The following UGT1A6 variants were observed in gnomAD, a reference collection of about 807,000 sequenced individuals.
UGT1A6 encodes UDP-glucuronosyltransferase 1A6.
In UGT1A6, 32 loss-of-function variants were observed where a neutral mutation model predicts 44.4. The ratio of observed to expected loss-of-function variants is 0.72; its 90% CI spans 0.54 to 0.97. UGT1A6 has a LOEUF of 0.97. Ranked by LOEUF, UGT1A6 falls within the 50% of genes least tolerant of loss-of-function variation. UGT1A6 has a pLI of 0.00. For missense variants in UGT1A6, 685 were observed against 661.9 expected (o/e 1.03, Z -0.38); for synonymous variants, 238 against 248.5 (o/e 0.96, Z 0.40).
intron 1 of UGT1A6, chr2:233,743,112 A>G (rs1313139997): frequency 1.1e-5 from 4 of 354,674 alleles, no homozygotes; most frequent in Non-Finnish European, 1.7e-5. Flanking sequence ...GCTGTTCTGA[A>G]AGTAAAGTTC....
chr2:233,724,180 C>A (rs1179896471), intron 1 of UGT1A6, among the ~76,000 whole-genome samples: 6 of 128,866 alleles, frequency 4.7e-5, no homozygotes, highest in Non-Finnish European at 8.1e-5. Context: ...CCATCTCCCT[C>A]CCGGACGGGG....
chr2:233,693,831 G>A lies in UGT1A6; in HGVS notation c.827G>A (p.Gly276Asp), dbSNP rs1277400223. The A allele has an allele frequency of 1.2e-6, 2 of 1,614,178 alleles. No individual in the cohort carries two copies. Among genetic ancestry groups the A allele is most frequent in the Middle Eastern group, 1.6e-4 (1 of 6,062 alleles). ...PVMPNMVFIGGINCKKRKDLS... is the reference protein window; with the variant it reads ...PVMPNMVFIGDINCKKRKDLS... The stretch of plus-strand genomic sequence containing the variant: ...ATGCCCAACATGGTCTTCATTGGAG[G>A]TATCAACTGTAAGAAGAGGAAAGAC... The change falls in exon 1 of 5, where the codon GGT becomes GAT. Residue 276 changes from glycine to aspartate, a missense_variant. By Grantham distance (94) the Gly-to-Asp change is moderately conservative. Transcript: ENST00000305139.
intron 1 of UGT1A6, among the ~76,000 whole-genome samples, chr2:233,721,299 A>G (rs185045149): frequency 2.2e-4 from 34 of 152,276 alleles, no homozygotes; most frequent in Admixed American, 1.9e-3. Flanking sequence ...AGGCATTTGA[A>G]TAGTGATTGT....
intron 1 of UGT1A6, among the ~76,000 whole-genome samples, chr2:233,759,713 T>TGGTG (rs1157954887): frequency 2.6e-5 from 4 of 151,594 alleles, no homozygotes; most frequent in African/African-American, 9.7e-5. Flanking sequence ...CGTGCTCGTG[T>TGGTG]GGTGGGCTCT....
intron 1 of UGT1A6, among the ~76,000 whole-genome samples, chr2:233,759,662 G>C (rs1697226515): frequency 1.6e-5 from 2 of 126,634 alleles, no homozygotes; most frequent in South Asian, 2.5e-4. Context: ...CTAAGTTCCT[G>C]CTCATGTGTT....
chr2:233,707,493 C>T (rs900860981), intron 1 of UGT1A6, among the ~76,000 whole-genome samples: 5 of 148,778 alleles, frequency 3.4e-5, no homozygotes, highest in African/African-American at 4.9e-5. Context: ...TTACCTGTTT[C>T]GGTACTTAAC....
At chr2:233,737,647 C>G (rs1413488043) in intron 1 of UGT1A6, among the ~76,000 whole-genome samples, 1 of 152,204 alleles carries the variant, frequency 6.6e-6, no homozygotes, top group Non-Finnish European at 1.5e-5. Flanking sequence ...GTCGATCATG[C>G]TGGGAGCTGC....
At chr2:233,699,966 C>T (rs952923165) in intron 1 of UGT1A6, among the ~76,000 whole-genome samples, 4 of 152,164 alleles carry the variant, frequency 2.6e-5, no homozygotes, top group Middle Eastern at 3.2e-3. Flanking sequence ...AAATACCCGT[C>T]CCCCAACTCC....
chr2:233,766,947 A>G (rs749614811), intron 1 of UGT1A6, 87 bp from the exon 2 acceptor site: 24 of 1,599,406 alleles, frequency 1.5e-5, no homozygotes, highest in Non-Finnish European at 2.0e-5. Context: ...TAGTCTTAAG[A>G]GGAAGATATC....
intron 1 of UGT1A6, among the ~76,000 whole-genome samples, chr2:233,746,098 C>T (rs530884234): frequency 6.6e-5 from 10 of 151,904 alleles, no homozygotes; most frequent in South Asian, 2.1e-4. Context: ...AGAAACATGT[C>T]CAGAGTGCTT....
rs28899172 is a variant in UGT1A6 at position 233,701,035 on chromosome 2, C to A, written c.861+7170C>A. On this transcript the variant is annotated intron_variant, in intron 1 of 4. Coordinates refer to ENST00000305139, the MANE Select transcript of UGT1A6 (RefSeq NM_001072.4). ...GTTTCCAGTTTCATCCATGTCCCTACAAAGGACATGAACTCATAATTTTTT... is the reference window on the plus strand; with the variant it reads ...GTTTCCAGTTTCATCCATGTCCCTAAAAAGGACATGAACTCATAATTTTTT... Among the ~76,000 whole-genome samples, 652 of 152,278 alleles carry A rather than the reference C, an allele frequency of 4.3e-3. 9 individuals carry two copies. Among genetic ancestry groups the A allele is most frequent in the African/African-American group, 0.015 (618 of 41,550 alleles).
upstream of UGT1A6, chr2:233,692,765 G>T: frequency 8.0e-7 from 1 of 1,253,638 alleles, no homozygotes; most frequent in African/African-American, 1.5e-5. Context: ...GAGCTGAAGA[G>T]AAACACCCAG....
intron 1 of UGT1A6, among the ~76,000 whole-genome samples, chr2:233,766,597 G>A (rs1228112720): frequency 6.6e-6 from 1 of 152,126 alleles, no homozygotes; most frequent in Non-Finnish European, 1.5e-5. Flanking sequence ...CCTCGCCAGG[G>A]ACCACACCCT....
At chr2:233,742,815 T>C (rs1692108353) in intron 1 of UGT1A6, 1 of 153,808 alleles carries the variant, frequency 6.5e-6, no homozygotes. Flanking sequence ...ATTGATATTA[T>C]TTGTAGATTT....
At chr2:233,720,203 G>C (rs1171500164) in intron 1 of UGT1A6, among the ~76,000 whole-genome samples, 1 of 152,178 alleles carries the variant, frequency 6.6e-6, no homozygotes, top group Non-Finnish European at 1.5e-5. Context: ...GGGCTGTGAA[G>C]GTGGGATGGA....
chr2:233,759,854 G>T (rs1017536593), intron 1 of UGT1A6, among the ~76,000 whole-genome samples: 2 of 152,182 alleles, frequency 1.3e-5, no homozygotes, highest in African/African-American at 4.8e-5. Context: ...AGGTTTCCAT[G>T]GCGAAAGCGG....
intron 1 of UGT1A6, among the ~76,000 whole-genome samples, chr2:233,715,816 G>A (rs1294109650): frequency 6.6e-6 from 1 of 152,118 alleles, no homozygotes; most frequent in Non-Finnish European, 1.5e-5. Context: ...TTGTTTTAAA[G>A]TTAGAAAACA....
At chr2:233,708,724 C>G (rs1198827860) in intron 1 of UGT1A6, 1 of 152,188 alleles carries the variant, frequency 6.6e-6, no homozygotes, top group Non-Finnish European at 1.5e-5. Flanking sequence ...GCACCTCAGC[C>G]TGGGCAACAG....
At chr2:233,766,342 AGTGGCCTGCC>A (rs1699121690) in intron 1 of UGT1A6, among the ~76,000 whole-genome samples, 1 of 152,026 alleles carries the variant, frequency 6.6e-6, no homozygotes, top group Non-Finnish European at 1.5e-5. Flanking sequence ...TCTGCTGGTC[AGTGGCCTGCC>A]GGTGCCTGTT....
Sources: gnomAD v4.1 joint callset for allele counts (sites outside exome capture counted in the v4.1 genomes callset) on GRCh38, gnomAD v4.1.1 for gene constraint, MANE v1.5 for transcripts, NCBI Gene and HGNC (gene_info 2026-07-23, HGNC 2026-07-21) for gene names.